ARMH3: variants seen among roughly 807,000 people sequenced by gnomAD.
ARMH3 encodes armadillo like helical domain containing 3, also known as armadillo-like helical domain-containing protein 3.
In ARMH3, 60 loss-of-function variants were observed where a neutral mutation model predicts 99.1. The ratio of observed to expected loss-of-function variants is 0.61; its 90% CI spans 0.49 to 0.75. The LOEUF (loss-of-function observed/expected upper bound fraction) is 0.75. Among genes scored for constraint, ARMH3 ranks in the 30% least tolerant of loss-of-function variants. The probability of loss-of-function intolerance (pLI) is 0.00; values close to 1 mark genes in which losing one functional copy is unlikely to be tolerated. For missense variants in ARMH3, 679 were observed against 843.1 expected (o/e 0.81, Z 2.41); for synonymous variants, 285 against 292.8 (o/e 0.97, Z 0.27).
chr10:101,986,073 CAT>C (rs958413278), intron 19 of ARMH3, among the ~76,000 whole-genome samples: 11 of 151,982 alleles, frequency 7.2e-5, no homozygotes, highest in Non-Finnish European at 1.5e-4. Flanking sequence ...CACACACACA[CAT>C]ATGTATGTAC....
In ARMH3 at chr10:102,033,267, T is replaced by G. The variant is rs1564869379; in HGVS notation, c.159+16A>C. ...TTTAGTTACCAGGAAATTCCACAGA[T>G]GCCACCAACTCTTACCTTCATGAGA... On this transcript the variant is annotated intron_variant, in intron 3 of 25. Transcript: ENST00000370033. The G allele has an allele frequency of 6.2e-7, 1 of 1,614,008 alleles. No homozygotes were observed. The highest frequency in any genetic ancestry group is 2.2e-5 in the East Asian group (1 of 44,884).
chr10:101,914,027 A>AAAC (rs1171219516), intron 23 of ARMH3, among the ~76,000 whole-genome samples: 1 of 152,214 alleles, frequency 6.6e-6, no homozygotes, highest in East Asian at 1.9e-4. Flanking sequence ...TGTAGGTCAG[A>AAAC]AACTAAGGAC....
chr10:101,939,831 G>A (rs751055139), intron 23 of ARMH3, 32 bp downstream of exon 23: 1 of 1,582,850 alleles, frequency 6.3e-7, no homozygotes, highest in South Asian at 1.1e-5. Context: ...AAGAGCCAAG[G>A]AACTCTGCAA....
intron 1 of ARMH3, among the ~76,000 whole-genome samples, chr10:102,048,079 T>C (rs2067602108): frequency 6.6e-6 from 1 of 152,152 alleles, no homozygotes; most frequent in Non-Finnish European, 1.5e-5. Context: ...GAAGTACTCA[T>C]CCCAGCCTTA....
At chr10:101,849,037 G>A (rs753181279) in intron 25 of ARMH3, among the ~76,000 whole-genome samples, 5 of 152,218 alleles carry the variant, frequency 3.3e-5, no homozygotes, top group Non-Finnish European at 7.3e-5. Context: ...CAATTGGCAT[G>A]GGGTAAGTAA....
At chr10:102,032,059 C>A (rs139109096) in intron 4 of ARMH3, among the ~76,000 whole-genome samples, 16 of 152,210 alleles carry the variant, frequency 1.1e-4, no homozygotes, top group African/African-American at 2.9e-4. Flanking sequence ...ATATTCTAAA[C>A]CTATCAATCA....
chr10:101,909,371 C>T (rs1364744118), intron 23 of ARMH3, among the ~76,000 whole-genome samples: 1 of 148,938 alleles, frequency 6.7e-6, no homozygotes, highest in African/African-American at 2.5e-5. Flanking sequence ...TGCACCACTG[C>T]ACTCCAGCCT....
intron 23 of ARMH3, among the ~76,000 whole-genome samples, chr10:101,908,664 CT>C (rs373262667): frequency 0.012 from 1,675 of 137,266 alleles, 14 homozygotes; most frequent in African/African-American, 0.033. Context: ...TTTTCTTTTT[CT>C]TTTTTTTTTT....
At chr10:102,033,509 C>G (rs1323295402) in intron 2 of ARMH3, 170 bp from the exon 3 acceptor site, 40 of 685,430 alleles carry the variant, frequency 5.8e-5, no homozygotes, top group African/African-American at 1.1e-4. Flanking sequence ...GCTCCGCCCC[C>G]CAGGGTTCAC....
intron 11 of ARMH3, 152 bp from the exon 12 acceptor site, chr10:102,010,175 G>A: frequency 1.7e-6 from 1 of 587,570 alleles, no homozygotes; most frequent in Non-Finnish European, 3.0e-6. Flanking sequence ...ACCAAAACCA[G>A]CCCACTTTGA....
intron 20 of ARMH3, among the ~76,000 whole-genome samples, chr10:101,967,129 T>A (rs1845575725): frequency 6.6e-6 from 1 of 152,150 alleles, no homozygotes; most frequent in African/African-American, 2.4e-5. Flanking sequence ...TAGGTTTAGG[T>A]ACCACAGAAC....
Position 101,847,465 on chromosome 10 carries a change from C to T in ARMH3, c.*63G>A. The T allele has an allele frequency of 6.5e-7, 1 of 1,531,626 alleles. No homozygotes were observed. The highest frequency in any genetic ancestry group is 9.0e-7 in the Non-Finnish European group (1 of 1,106,518). The allele number at this position is 1,531,626 out of a possible 1,614,324, so 94.9% of individuals were successfully genotyped here. A position where few individuals can be genotyped will look rare whatever the true frequency, so the allele number is the denominator to read the frequency against. ...GGGGGCAGCCCCCTCTCCCCTCGCTCCCCCTCCAGCCCATGATCCTCATGG... is the reference window on the plus strand; with the variant it reads ...GGGGGCAGCCCCCTCTCCCCTCGCTTCCCCTCCAGCCCATGATCCTCATGG... On this transcript the variant is annotated 3_prime_UTR_variant, in exon 26 of 26. Transcript: ENST00000370033.
At chr10:101,947,780 A>G (rs1004075413) in intron 22 of ARMH3, among the ~76,000 whole-genome samples, 9 of 150,800 alleles carry the variant, frequency 6.0e-5, no homozygotes, top group Admixed American at 4.0e-4. Flanking sequence ...AGCCTGGGCA[A>G]CAAGAGCGAA....
At chr10:101,960,994 T>A (rs1473307045) in intron 20 of ARMH3, among the ~76,000 whole-genome samples, 2 of 152,172 alleles carry the variant, frequency 1.3e-5, no homozygotes, top group African/African-American at 4.8e-5. Context: ...TTAGATCTGC[T>A]GACTATACTG....
intron 13 of ARMH3, among the ~76,000 whole-genome samples, chr10:102,007,604 A>G (rs1300443475): frequency 6.9e-6 from 1 of 145,536 alleles, no homozygotes; most frequent in East Asian, 2.0e-4. Flanking sequence ...ATGGACCACG[A>G]GGTCAGGGGA....
At chr10:101,884,964 A>G (rs2067505148) in intron 24 of ARMH3, among the ~76,000 whole-genome samples, 1 of 152,228 alleles carries the variant, frequency 6.6e-6, no homozygotes, top group Non-Finnish European at 1.5e-5. Context: ...AACAGTTAAC[A>G]ACAACAAAAA....
rs2066576939 is a variant in ARMH3, at chr10:102,009,259, C to T, written c.954+115G>A. 3.3e-6 allele frequency: 3 copies of T among 904,348 alleles called. No homozygotes were observed. In the South Asian group the frequency reaches 4.7e-5, roughly 14 times the overall value. 56.0% of individuals were successfully genotyped at this position (904,348 alleles called of 1,614,324 possible). A position where few individuals can be genotyped will look rare whatever the true frequency, so the allele number is the denominator to read the frequency against. The stretch of plus-strand genomic sequence containing the variant: ...AACTGATTCAACTCCTTGTTACTAC[C>T]ACTTACCAATGCAAAGCAGGGTTTA... On this transcript the variant is annotated intron_variant, in intron 13 of 25. Transcript: ENST00000370033.
intron 23 of ARMH3, among the ~76,000 whole-genome samples, chr10:101,918,284 C>T (rs1843165564): frequency 1.3e-5 from 2 of 152,182 alleles, no homozygotes; most frequent in Admixed American, 1.3e-4. Context: ...GAACTCCTGA[C>T]CTCAAGTGAT....
chr10:101,920,476 A>T (rs1188923493), intron 23 of ARMH3, among the ~76,000 whole-genome samples: 5 of 152,188 alleles, frequency 3.3e-5, no homozygotes, highest in Non-Finnish European at 7.3e-5. Flanking sequence ...TACAGAGCTT[A>T]AATGTTTTTC....
Sources: allele counts gnomAD v4.1 joint callset (sites outside exome capture counted in the v4.1 genomes callset), GRCh38; gene constraint gnomAD v4.1.1; transcripts MANE v1.5; gene names NCBI Gene and HGNC (gene_info 2026-07-23, HGNC 2026-07-21).